NR1I2: variants seen among roughly 807,000 people sequenced by gnomAD.
The protein encoded by NR1I2 is nuclear receptor subfamily 1 group I member 2.
Under a neutral mutation model 43.3 loss-of-function variants are expected in NR1I2, and 42 were observed. The ratio of observed to expected loss-of-function variants is 0.97; its 90% CI spans 0.76 to 1.26. The LOEUF is 1.26. Among genes scored for constraint, NR1I2 ranks in the 50% most tolerant of loss-of-function variants. The pLI is 0.00. For missense variants in NR1I2, 559 were observed against 566.7 expected (o/e 0.99, Z 0.14); for synonymous variants, 229 against 215.0 (o/e 1.06, Z -0.57).
At position 119,791,376 on chromosome 3, in the gene NR1I2, G is replaced by C. The variant is rs1577270276; in HGVS notation, c.-23+9076G>C. On this transcript the variant is annotated intron_variant, in intron 1 of 8. Coordinates refer to ENST00000393716, the MANE Select transcript of NR1I2 (RefSeq NM_003889.4). ...ACATCTATGAGAGTCTCCTGTACAA[G>C]GAGAGGTGGGAGGCTGTGAACACTC... Among the ~76,000 whole-genome samples, 7 of 152,308 alleles carry C rather than the reference G, an allele frequency of 4.6e-5. 1 individual carries two copies. In the South Asian group the frequency reaches 1.2e-3, roughly 27 times the overall value.
Position 119,810,188 on chromosome 3 carries a change from A to ACTCTCTCC in NR1I2, c.325_326insCTCTCTCC (p.Lys109ThrfsTer6). 6.2e-7 allele frequency: 1 copy of ACTCTCTCC among 1,606,158 alleles called. No homozygotes were observed. The highest frequency in any genetic ancestry group is 8.5e-7 in the Non-Finnish European group (1 of 1,176,568). On this transcript the variant is annotated frameshift_variant, in exon 3 of 9. Transcript: ENST00000393716. LOFTEE classifies it high-confidence loss of function. ...CAAGTGCCTGGAGAGCGGCATGAAG[A>ACTCTCTCC]AGGAGAGTGAGCAGTGGGCGCGCGG...
intron 5 of NR1I2, among the ~76,000 whole-genome samples, chr3:119,813,633 T>G (rs1243076577): frequency 6.6e-6 from 1 of 152,082 alleles, no homozygotes; most frequent in African/African-American, 2.4e-5. Context: ...AAGCTCCTGG[T>G]TTCTTCAGCA....
At chr3:119,815,539 G>A (rs905166554) in intron 7 of NR1I2, 100 bp downstream of exon 7, 1 of 1,133,356 alleles carries the variant, frequency 8.8e-7, no homozygotes. Context: ...TCACTGCGCA[G>A]CCAGGATGGG....
chr3:119,798,824 T>A (rs1450349560), intron 1 of NR1I2, among the ~76,000 whole-genome samples: 3 of 152,178 alleles, frequency 2.0e-5, no homozygotes, highest in African/African-American at 7.2e-5. Context: ...TTCTTTCACT[T>A]AGAATGTTTT....
Position 119,807,191 on chromosome 3 carries a change from T to C in NR1I2, c.-22-38T>C, listed in dbSNP as rs2055173099. 1.9e-6 allele frequency: 3 copies of C among 1,571,352 alleles called. No individual in the cohort carries two copies. The South Asian group carries it at 3.4e-5, about 18-fold the overall frequency. On this transcript the variant is annotated intron_variant, in intron 1 of 8. Transcript: ENST00000393716. The stretch of plus-strand genomic sequence containing the variant: ...CCTCTGAGGCCTCTACACATCCCTG[T>C]CCAGTCTTTTCATTCTCTGTGGTTT...
chr3:119,789,782 C>G (rs2054892235), intron 1 of NR1I2, among the ~76,000 whole-genome samples: 1 of 152,168 alleles, frequency 6.6e-6, no homozygotes, highest in African/African-American at 2.4e-5. Flanking sequence ...CAGGGCAGGA[C>G]TGAGGCACCC....
At chr3:119,803,282 C>T (rs1269975887) in intron 1 of NR1I2, among the ~76,000 whole-genome samples, 1 of 151,456 alleles carries the variant, frequency 6.6e-6, no homozygotes, top group Non-Finnish European at 1.5e-5. Flanking sequence ...GAGCTGAGAT[C>T]ACACCACTGA....
At chr3:119,790,205 T>C (rs1420876262) in intron 1 of NR1I2, among the ~76,000 whole-genome samples, 3 of 152,232 alleles carry the variant, frequency 2.0e-5, no homozygotes, top group Non-Finnish European at 4.4e-5. Flanking sequence ...CATAATGTCC[T>C]CAAGGTTCAT....
intron 1 of NR1I2, among the ~76,000 whole-genome samples, chr3:119,793,980 G>A (rs916504109): frequency 1.3e-5 from 2 of 151,804 alleles, no homozygotes; most frequent in Non-Finnish European, 2.9e-5. Context: ...TATTCTCTTC[G>A]GTACATAATT....
At chr3:119,805,304 A>G (rs1477692899) in intron 1 of NR1I2, among the ~76,000 whole-genome samples, 1 of 151,964 alleles carries the variant, frequency 6.6e-6, no homozygotes, top group Non-Finnish European at 1.5e-5. Flanking sequence ...CAGTCTTTTC[A>G]TTCATGACTT....
intron 1 of NR1I2, among the ~76,000 whole-genome samples, chr3:119,784,634 G>A (rs1278348138): frequency 1.3e-5 from 2 of 152,100 alleles, no homozygotes; most frequent in Non-Finnish European, 2.9e-5. Flanking sequence ...AAATTATGAA[G>A]CTACTTTGGT....
chr3:119,814,026 C>T lies in NR1I2; in HGVS notation c.795-953C>T, dbSNP rs1429737372. ...GAGGCTAGATTTGGAAGTACCAAAG[C>T]CAGCTCGATGCCAGGTCCTAAGCTG... is the stretch of plus-strand genomic sequence containing the variant. On this transcript the variant is annotated intron_variant, in intron 5 of 8. Transcript: ENST00000393716. 2.6e-5 allele frequency among the ~76,000 whole-genome samples: 4 copies of T among 152,124 alleles called. No homozygotes were observed. The East Asian group carries it at 7.7e-4, about 29-fold the overall frequency.
At chr3:119,812,550 G>T in intron 4 of NR1I2, 136 bp from the exon 5 acceptor site, 2 of 880,050 alleles carry the variant, frequency 2.3e-6, no homozygotes, top group East Asian at 2.4e-5. Flanking sequence ...CATGCATGTG[G>T]GTGTGAATGC....
chr3:119,808,929 T>C (rs2472680), intron 2 of NR1I2, among the ~76,000 whole-genome samples: 138,089 of 152,302 alleles, frequency 0.91, 62,889 homozygotes, highest in Middle Eastern at 0.97. Flanking sequence ...AGCATCAGAG[T>C]TTTCTTACCC....
chr3:119,797,444 G>T (rs1405463925), intron 1 of NR1I2, among the ~76,000 whole-genome samples: 1 of 152,050 alleles, frequency 6.6e-6, no homozygotes, highest in Non-Finnish European at 1.5e-5. Flanking sequence ...GTGCTCTGGG[G>T]TGTCAGCCTC....
chr3:119,798,854 A>G (rs1324698281), intron 1 of NR1I2, among the ~76,000 whole-genome samples: 1 of 152,198 alleles, frequency 6.6e-6, no homozygotes, highest in African/African-American at 2.4e-5. Flanking sequence ...TCTGTGCTGT[A>G]GCATCTATCC....
chr3:119,783,531 C>T (rs932630008), intron 1 of NR1I2, among the ~76,000 whole-genome samples: 18 of 152,240 alleles, frequency 1.2e-4, no homozygotes, highest in African/African-American at 4.1e-4. Context: ...AAAAGTTTGC[C>T]AACTCCTGAT....
intron 3 of NR1I2, among the ~76,000 whole-genome samples, chr3:119,810,861 G>C (rs1274427090): frequency 2.0e-5 from 3 of 152,126 alleles, no homozygotes; most frequent in African/African-American, 4.8e-5. Flanking sequence ...TCCCCACCAA[G>C]GACCTCATAG....
rs76136998 is a variant in NR1I2 at position 119,806,928 on chromosome 3, G to A, written c.-22-301G>A. On this transcript the variant is annotated intron_variant, in intron 1 of 8. Coordinates refer to ENST00000393716, the MANE Select transcript of NR1I2 (RefSeq NM_003889.4). ...CACTCAGCTGTGGCCTCCATGATCC[G>A]ACCCAGACAGCCTGCTCTCTTTTCT... is the stretch of plus-strand genomic sequence containing the variant. 1.9e-3 allele frequency among the ~76,000 whole-genome samples: 289 copies of A among 152,174 alleles called. 2 individuals carry two copies. The highest frequency in any genetic ancestry group is 6.5e-3 in the African/African-American group (270 of 41,496).
Sources: allele counts gnomAD v4.1 joint callset (sites outside exome capture counted in the v4.1 genomes callset), GRCh38; gene constraint gnomAD v4.1.1; transcripts MANE v1.5; gene names NCBI Gene and HGNC (gene_info 2026-07-23, HGNC 2026-07-21).